The following RBBP8 variants were observed in gnomAD, a reference collection of about 807,000 sequenced individuals.
RBBP8 encodes DNA endonuclease RBBP8.
RBBP8 carries 88 observed loss-of-function variants against 108.3 expected under a neutral mutation model. The ratio of observed to expected loss-of-function variants is 0.81; its 90% CI spans 0.68 to 0.97. RBBP8 has a LOEUF of 0.97. Ranked by LOEUF, RBBP8 falls within the 50% of genes least tolerant of loss-of-function variation. RBBP8 has a pLI of 0.00. For synonymous variants in RBBP8, 332 were observed against 348.2 expected, an observed-to-expected ratio of 0.95 and a Z score of 0.52; for missense variants, 1,023 against 1,049.0, an observed-to-expected ratio of 0.98 and a Z score of 0.34.
chr18:23,004,261 C>A (rs116515261), intron 15 of RBBP8, among the ~76,000 whole-genome samples: 2,825 of 151,138 alleles, frequency 0.019, 82 homozygotes, highest in African/African-American at 0.063. Context: ...TGATATATAG[C>A]TAGATAGGTG....
At chr18:22,992,660 A>C (rs547149379) in intron 10 of RBBP8, 88 bp from the exon 11 acceptor site, 1 of 1,149,346 alleles carries the variant, frequency 8.7e-7, no homozygotes, top group South Asian at 1.4e-5. Context: ...ACCTTGTCTT[A>C]AATTTTGGTT....
At chr18:22,953,583 T>TA (rs756708734) in intron 4 of RBBP8, among the ~76,000 whole-genome samples, 2 of 152,176 alleles carry the variant, frequency 1.3e-5, no homozygotes, top group African/African-American at 4.8e-5. Context: ...TTTTATGGCT[T>TA]AAAGTTTGAG....
intron 3 of RBBP8, among the ~76,000 whole-genome samples, chr18:22,921,788 T>C (rs956110327): frequency 1.3e-5 from 2 of 152,244 alleles, no homozygotes; most frequent in East Asian, 1.9e-4. Flanking sequence ...ATTTATTTCC[T>C]GAATTTGCTT....
chr18:22,991,339 G>A (rs529929721), intron 10 of RBBP8, among the ~76,000 whole-genome samples: 2 of 152,282 alleles, frequency 1.3e-5, no homozygotes, highest in South Asian at 4.1e-4. Context: ...TCCCTTCGGG[G>A]TTTATATTTC....
chr18:23,002,409 AAAT>A (rs1380408358), intron 15 of RBBP8, among the ~76,000 whole-genome samples: 1 of 152,184 alleles, frequency 6.6e-6, no homozygotes, highest in Non-Finnish European at 1.5e-5. Context: ...TGTCTCAAAA[AAAT>A]AATAATTAAT....
intron 8 of RBBP8, among the ~76,000 whole-genome samples, chr18:22,986,302 T>C (rs953049697): frequency 1.3e-5 from 2 of 152,114 alleles, no homozygotes; most frequent in African/African-American, 4.8e-5. Context: ...TGCTAATAAG[T>C]CAAGTAAGAT....
intron 6 of RBBP8, 60 bp from the exon 7 acceptor site, chr18:22,982,158 T>C (rs1914971867): frequency 1.3e-6 from 2 of 1,523,728 alleles, no homozygotes; most frequent in East Asian, 2.3e-5. Context: ...CTCCATGCCA[T>C]GTAGTAAATG....
chr18:22,937,052 T>C, intron 2 of RBBP8, 92 bp downstream of exon 2: 1 of 1,563,968 alleles, frequency 6.4e-7, no homozygotes, highest in South Asian at 1.2e-5. Context: ...TTATTATTTC[T>C]ATTTCAGCTT....
intron 3 of RBBP8, among the ~76,000 whole-genome samples, chr18:22,921,128 A>G (rs1812550501): frequency 6.6e-6 from 1 of 152,206 alleles, no homozygotes; most frequent in Non-Finnish European, 1.5e-5. Context: ...TGAGAGTAAG[A>G]GCCTGAGACC....
chr18:23,008,216 A>G (rs1259234867), intron 16 of RBBP8, among the ~76,000 whole-genome samples: 6 of 150,994 alleles, frequency 4.0e-5, no homozygotes, highest in African/African-American at 1.5e-4. Context: ...CAAATTGAAG[A>G]CATAGTAATT....
chr18:22,931,794 A>G (rs1910045076), upstream of RBBP8, among the ~76,000 whole-genome samples: 1 of 152,224 alleles, frequency 6.6e-6, no homozygotes, highest in Non-Finnish European at 1.5e-5. Context: ...GTCTGACTTC[A>G]GAGCCTGTAA....
In RBBP8 at chr18:22,993,268, A is replaced by G. The variant is rs150657974; in HGVS notation, c.1441A>G (p.Met481Val). 1.0e-4 allele frequency: 161 copies of G among 1,614,252 alleles called. No homozygotes were observed. Among genetic ancestry groups the G allele is most frequent in the Non-Finnish European group, 1.3e-4 (154 of 1,180,044 alleles). ...FPFPMDNQFS[M>V]NGDCVMDKPL... ...TTTTCCAATGGATAATCAGTTTTCCATGAATGGAGACTGTGTGATGGATAA... is the reference window on the plus strand; with the variant it reads ...TTTTCCAATGGATAATCAGTTTTCCGTGAATGGAGACTGTGTGATGGATAA... Residue 481 changes from methionine to valine, a missense_variant, in exon 11 of 19, where the codon ATG (methionine) becomes GTG (valine). By Grantham distance (21) the Met-to-Val change is conservative (BLOSUM62 1). Transcript: ENST00000327155.
At chr18:23,015,743 C>T (rs1411562525) in intron 16 of RBBP8, among the ~76,000 whole-genome samples, 1 of 151,878 alleles carries the variant, frequency 6.6e-6, no homozygotes, top group African/African-American at 2.4e-5. Context: ...GTGCGTGGCT[C>T]CTATGTAAAA....
intron 16 of RBBP8, among the ~76,000 whole-genome samples, chr18:23,010,069 T>G (rs1331942459): frequency 6.6e-6 from 1 of 152,208 alleles, no homozygotes; most frequent in African/African-American, 2.4e-5. Flanking sequence ...CTGCTTTTTT[T>G]ATTTAACTAT....
At chr18:23,007,545 A>T (rs2046075700) in intron 16 of RBBP8, among the ~76,000 whole-genome samples, 1 of 151,252 alleles carries the variant, frequency 6.6e-6, no homozygotes, top group African/African-American at 2.4e-5. Flanking sequence ...TCTACTAAAA[A>T]TACAAAAAAT....
intron 4 of RBBP8, among the ~76,000 whole-genome samples, chr18:22,953,298 G>A (rs951298336): frequency 2.0e-5 from 3 of 152,220 alleles, no homozygotes; most frequent in Non-Finnish European, 4.4e-5. Flanking sequence ...AGCACAGAAG[G>A]TGGAGCCAGG....
At chr18:22,921,212 A>G (rs1379290917) in intron 3 of RBBP8, among the ~76,000 whole-genome samples, 1 of 152,172 alleles carries the variant, frequency 6.6e-6, no homozygotes, top group African/African-American at 2.4e-5. Flanking sequence ...AAAGGAAGGA[A>G]GGAAGGCCAA....
intron 10 of RBBP8, among the ~76,000 whole-genome samples, chr18:22,991,304 C>T (rs1915685744): frequency 6.6e-6 from 1 of 152,184 alleles, no homozygotes; most frequent in African/African-American, 2.4e-5. Flanking sequence ...GTACTTGTCA[C>T]TCTGCTCCTT....
chr18:22,963,176 T>C (rs370586970), intron 4 of RBBP8, among the ~76,000 whole-genome samples: 2 of 152,206 alleles, frequency 1.3e-5, no homozygotes, highest in South Asian at 2.1e-4. Context: ...AAAATCTCTT[T>C]TTAAAAATGT....
Sources: gnomAD v4.1 joint callset for allele counts (sites outside exome capture counted in the v4.1 genomes callset) on GRCh38, gnomAD v4.1.1 for gene constraint, MANE v1.5 for transcripts, NCBI Gene and HGNC (gene_info 2026-07-23, HGNC 2026-07-21) for gene names.